The following SP110 variants were observed in gnomAD, a reference collection of about 807,000 sequenced individuals.
SP110 encodes interferon-induced protein 41, 30kD.
In SP110, 62 loss-of-function variants were observed where a neutral mutation model predicts 92.7. The observed-to-expected ratio is 0.67, with a 90% CI of 0.55 to 0.83. SP110 has a LOEUF of 0.83. Ranked by LOEUF, SP110 falls within the 40% of genes least tolerant of loss-of-function variation. The probability of loss-of-function intolerance (pLI) is 0.00; values close to 1 mark genes in which losing one functional copy is unlikely to be tolerated. For missense variants in SP110, 793 were observed against 863.9 expected (o/e 0.92, Z 1.03); for synonymous variants, 273 against 305.3 (o/e 0.89, Z 1.10).
intron 10 of SP110, among the ~76,000 whole-genome samples, chr2:230,190,770 C>T (rs900905067): frequency 2.6e-5 from 4 of 152,230 alleles, no homozygotes; most frequent in African/African-American, 9.6e-5. Flanking sequence ...CAGTTTTCTG[C>T]ATATGGATAG....
rs2042670132 is a variant in SP110 at position 230,192,273 on chromosome 2, A to G, written c.1130-6130T>C. Among the ~76,000 whole-genome samples the G allele has an allele frequency of 2.0e-5, 3 of 152,220 alleles. No individual in the cohort carries two copies. The South Asian group carries it at 6.2e-4, about 32-fold the overall frequency. On this transcript the variant is annotated intron_variant, in intron 10 of 18. Transcript: ENST00000258381. ...CATTCCTATTCAACATAGTATTAGA[A>G]GTTCTGGCCAGCACAATCAGGCAAG... is the stretch of plus-strand genomic sequence containing the variant.
At chr2:230,223,142 TTC>T (rs1463540515), upstream of SP110, among the ~76,000 whole-genome samples, 6 of 152,140 alleles carry the variant, frequency 3.9e-5, no homozygotes, top group Non-Finnish European at 2.9e-5. Flanking sequence ...GTTCAAGTGA[TTC>T]TCTTTCCTCA....
intron 8 of SP110, among the ~76,000 whole-genome samples, chr2:230,204,397 G>A (rs1224797447): frequency 5.3e-5 from 8 of 152,180 alleles, no homozygotes; most frequent in Non-Finnish European, 1.5e-5. Flanking sequence ...GGGGTGTGCA[G>A]AGTACGTATG....
At chr2:230,212,711 G>T in intron 4 of SP110, 50 bp downstream of exon 4, 1 of 1,609,124 alleles carries the variant, frequency 6.2e-7, no homozygotes, top group South Asian at 1.1e-5. Flanking sequence ...ACATGGCACA[G>T]GCACCTTAGG....
At position 230,216,690 on chromosome 2, in the gene SP110, T is replaced by C. The variant is rs7580912; in HGVS notation, c.147+91A>G. ...TGCCTGGGCTGGGCCTTCCAAACTC[T>C]GGAAGCCCTGGTGGTTTGTGGTTTG... is the stretch of plus-strand genomic sequence containing the variant. On this transcript the variant is annotated intron_variant, in intron 2 of 18. Transcript: ENST00000258381. 0.34 allele frequency: 521,832 copies of C among 1,521,544 alleles called. 91,428 individuals are homozygous for C. Among genetic ancestry groups the C allele is most frequent in the South Asian group, 0.39 (34,507 of 88,682 alleles). 94.3% of individuals were successfully genotyped at this position (1,521,544 alleles called of 1,614,324 possible).
intron 10 of SP110, among the ~76,000 whole-genome samples, chr2:230,196,869 A>G (rs1439785414): frequency 6.6e-6 from 1 of 152,198 alleles, no homozygotes; most frequent in Non-Finnish European, 1.5e-5. Flanking sequence ...AAAGGACATG[A>G]ACTCATCATT....
chr2:230,200,889 T>C lies in SP110; in HGVS notation c.1125A>G (p.Thr375=). Residue 375 remains threonine, a synonymous_variant, in exon 10 of 19, where the codon ACA becomes ACG. Coordinates refer to ENST00000258381, the MANE Select transcript of SP110 (RefSeq NM_080424.4). ...QKTPSTPRRV[T]QGAASPGHGI... Reference sequence around the variant, plus strand: ...CCAGCAATCTCCAAGTTTTACCTTGTGTGACCCTTCGTGGTGTACTAGGCG... The same window carrying C: ...CCAGCAATCTCCAAGTTTTACCTTGCGTGACCCTTCGTGGTGTACTAGGCG... The C allele has an allele frequency of 6.2e-7, 1 of 1,611,502 alleles. No individual in the cohort carries two copies. Among genetic ancestry groups the C allele is most frequent in the South Asian group, 1.1e-5 (1 of 91,024 alleles).
Position 230,166,970 on chromosome 2 carries a change from G to A in SP110, c.*2154C>T, listed in dbSNP as rs2078319549. On this transcript the variant is annotated 3_prime_UTR_variant, in exon 19 of 19. Coordinates refer to ENST00000258381, the MANE Select transcript of SP110 (RefSeq NM_080424.4). ...TGTCTATAGTAGTTGTTCAGTCCCTGTTTCATCACTGACTGTTGGCAGCAG... is the reference window on the plus strand; with the variant it reads ...TGTCTATAGTAGTTGTTCAGTCCCTATTTCATCACTGACTGTTGGCAGCAG... The A allele has an allele frequency of 1.3e-5, 2 of 152,114 alleles. No homozygotes were observed. The highest frequency in any genetic ancestry group is 1.3e-4 in the Admixed American group (2 of 15,250). The allele number at this position is 152,114 out of a possible 1,614,324, so 9.4% of individuals were successfully genotyped here. A position where few individuals can be genotyped will look rare whatever the true frequency, so the allele number is the denominator to read the frequency against.
chr2:230,177,047 T>G (rs914116193), intron 14 of SP110, among the ~76,000 whole-genome samples: 1 of 152,238 alleles, frequency 6.6e-6, no homozygotes, highest in Admixed American at 6.5e-5. Flanking sequence ...TGATAATTTC[T>G]TGAGTGTTGC....
chr2:230,177,451 G>A (rs1023063412), intron 14 of SP110, 87 bp downstream of exon 14: 38 of 1,343,766 alleles, frequency 2.8e-5, no homozygotes, highest in African/African-American at 2.3e-4. Context: ...GAATCCTAAC[G>A]GGAGCTCTTC....
intron 18 of SP110, among the ~76,000 whole-genome samples, chr2:230,169,502 TC>T (rs2078376947): frequency 6.8e-6 from 1 of 147,640 alleles, no homozygotes; most frequent in Admixed American, 6.7e-5. Flanking sequence ...CTTTCAGAGA[TC>T]GGGGTGAGGA....
Position 230,170,957 on chromosome 2 carries a change from TA to T in SP110, c.1888-197del, listed in dbSNP as rs753003007. 211 of 635,034 alleles carry T rather than the reference TA, an allele frequency of 3.3e-4. 1 individual carries two copies. Among genetic ancestry groups the T allele is most frequent in the Non-Finnish European group, 4.3e-4 (151 of 354,884 alleles). The allele number at this position is 635,034 out of a possible 1,614,324, so 39.3% of individuals were successfully genotyped here. The stretch of plus-strand genomic sequence containing the variant: ...TATATGAATATGTAATCTCCACATT[TA>T]TGGGTACCATAAATAATAATGCCCA... On this transcript the variant is annotated intron_variant, in intron 17 of 18. Transcript: ENST00000258381.
chr2:230,171,872 C>T, intron 16 of SP110, 105 bp from the exon 17 acceptor site: 2 of 938,684 alleles, frequency 2.1e-6, no homozygotes, highest in East Asian at 2.5e-5. Context: ...GCCCAGTCAG[C>T]ATTCCAGCCA....
rs1331950988 is a variant in SP110 at position 230,211,285 on chromosome 2, C to A, written c.751+185G>T. On this transcript the variant is annotated intron_variant, in intron 6 of 18. Transcript: ENST00000258381. The surrounding 1 kb of genome is among the most constrained non-coding windows in gnomAD (Gnocchi z 4.2). ...CCTCCTTTGCCCTCCCCCAGGGACT[C>A]TGTATCCATTCAGAGGTCGGGTCTC... Among the ~76,000 whole-genome samples the A allele has an allele frequency of 2.6e-5, 4 of 152,214 alleles. No homozygotes were observed. The highest frequency in any genetic ancestry group is 9.7e-5 in the African/African-American group (4 of 41,448).
At chr2:230,204,057 C>T (rs944603375) in intron 8 of SP110, among the ~76,000 whole-genome samples, 2 of 152,144 alleles carry the variant, frequency 1.3e-5, no homozygotes, top group Non-Finnish European at 2.9e-5. Context: ...AAATTAAAAG[C>T]ACATCATCTG....
chr2:230,177,354 C>G lies in SP110; in HGVS notation c.1590+184G>C, dbSNP rs556462712. The G allele has an allele frequency of 9.9e-6, 7 of 704,690 alleles. No homozygotes were observed. The East Asian group carries it at 1.5e-4, about 15-fold the overall frequency. 43.7% of individuals were successfully genotyped at this position (704,690 alleles called of 1,614,324 possible). ...CTCCTTTACTTGCATTTAAAGTTCTCCACCATCAGGAACAATATGTGCTCC... is the reference window on the plus strand; with the variant it reads ...CTCCTTTACTTGCATTTAAAGTTCTGCACCATCAGGAACAATATGTGCTCC... On this transcript the variant is annotated intron_variant, in intron 14 of 18. Coordinates refer to ENST00000258381, the MANE Select transcript of SP110 (RefSeq NM_080424.4).
At chr2:230,189,052 T>C (rs570689375) in intron 10 of SP110, among the ~76,000 whole-genome samples, 2 of 152,016 alleles carry the variant, frequency 1.3e-5, no homozygotes, top group South Asian at 2.1e-4. Flanking sequence ...AGTTGTAATG[T>C]CTCCAGTTTC....
At chr2:230,206,707 G>A (rs535269329) in intron 8 of SP110, among the ~76,000 whole-genome samples, 1 of 144,756 alleles carries the variant, frequency 6.9e-6, no homozygotes, top group South Asian at 2.2e-4. Flanking sequence ...ATTTCTCAGT[G>A]TTCCTGTAAA....
intron 10 of SP110, among the ~76,000 whole-genome samples, chr2:230,186,761 G>A (rs1388252002): frequency 6.6e-6 from 1 of 152,008 alleles, no homozygotes; most frequent in Non-Finnish European, 1.5e-5. Context: ...ACAGTATTTG[G>A]TTTTCCATTC....
Sources: gnomAD v4.1 joint callset for allele counts (sites outside exome capture counted in the v4.1 genomes callset) on GRCh38, gnomAD v4.1.1 for gene constraint, Gnocchi (gnomAD v3.1) non-coding constraint, MANE v1.5 for transcripts, NCBI Gene and HGNC (gene_info 2026-07-23, HGNC 2026-07-21) for gene names.